Variants in KDM4B observed in about 807,000 individuals in gnomAD.
KDM4B encodes lysine demethylase 4B, also known as lysine-specific demethylase 4B.
KDM4B carries 32 observed loss-of-function variants against 125.2 expected under a neutral mutation model. The ratio of observed to expected loss-of-function variants is 0.26; its 90% confidence interval spans 0.19 to 0.34. The LOEUF is 0.34. Among genes scored for constraint, KDM4B ranks in the 10% least tolerant of loss-of-function variants. The probability of loss-of-function intolerance (pLI) is 1.00; values close to 1 mark genes in which losing one functional copy is unlikely to be tolerated. For missense variants in KDM4B, 1,190 were observed against 1,577.7 expected, an observed-to-expected ratio of 0.75 and a Z score of 4.16; for synonymous variants, 721 against 677.9, an observed-to-expected ratio of 1.06 and a Z score of -0.99.
At chr19:5,044,238 C>T (rs1383077279) in intron 5 of KDM4B, among the ~76,000 whole-genome samples, 2 of 33,208 alleles carry the variant, frequency 6.0e-5, no homozygotes, top group East Asian at 8.9e-4. Context: ...TGGTGTTTAT[C>T]GGAGTGGGGT....
At chr19:4,998,402 T>C (rs947560610) in intron 1 of KDM4B, among the ~76,000 whole-genome samples, 7 of 152,192 alleles carry the variant, frequency 4.6e-5, no homozygotes, top group Admixed American at 6.5e-5. Context: ...GCAAGAATAA[T>C]AGGAAGAATT....
In KDM4B at chr19:5,144,882, G is replaced by A. The variant is rs771015749; in HGVS notation, c.3001G>A (p.Val1001Ile). ...NLYKAKFISS[V>I]TSHIYQVEFE... ...CTACAAGGCCAAGTTCATCTCCTCC[G>A]TCACCAGCCACATCTACCAGGTAAG... The change falls in exon 21 of 23, where the codon GTC (valine) becomes ATC (isoleucine). Residue 1001 changes from valine to isoleucine, a missense_variant. By Grantham distance (29) the Val-to-Ile change is conservative. Around this residue, in one of 7 missense-constraint regions of KDM4B, gnomAD observed 298 missense variants for 439.7 expected, o/e 0.68. Transcript: ENST00000159111. 151 of 1,612,722 alleles carry A rather than the reference G, an allele frequency of 9.4e-5. No homozygotes were observed. Among genetic ancestry groups the A allele is most frequent in the Non-Finnish European group, 1.2e-4 (136 of 1,179,720 alleles).
intron 3 of KDM4B, among the ~76,000 whole-genome samples, chr19:5,038,514 G>A (rs1423773344): frequency 6.6e-6 from 1 of 152,250 alleles, no homozygotes; most frequent in Non-Finnish European, 1.5e-5. Flanking sequence ...TGAAGGCACC[G>A]GGTTCCGGCT....
intron 12 of KDM4B, 113 bp downstream of exon 12, chr19:5,131,658 G>T (rs550423711): frequency 3.2e-6 from 2 of 620,876 alleles, no homozygotes; most frequent in Admixed American, 2.9e-5. Context: ...CAGGGAGGAG[G>T]GGACAGGAGG....
intron 5 of KDM4B, chr19:5,047,196 C>T (rs2037053302): frequency 2.4e-6 from 1 of 411,808 alleles, no homozygotes; most frequent in Non-Finnish European, 4.4e-6. Context: ...CCCAGGTACT[C>T]AGGAGACTGA....
intron 14 of KDM4B, 76 bp downstream of exon 14, chr19:5,134,137 C>T: frequency 7.3e-7 from 1 of 1,366,092 alleles, no homozygotes; most frequent in South Asian, 1.3e-5. Flanking sequence ...CCGGGCACCC[C>T]ACACGCCTCC....
chr19:5,133,454 G>A (rs556448737), intron 13 of KDM4B, among the ~76,000 whole-genome samples: 150 of 152,302 alleles, frequency 9.8e-4, no homozygotes, highest in African/African-American at 3.4e-3. Flanking sequence ...CACTGCCGAC[G>A]CCCCCACTCA....
chr19:4,996,946 C>A (rs943688895), intron 1 of KDM4B, among the ~76,000 whole-genome samples: 25 of 152,158 alleles, frequency 1.6e-4, no homozygotes, highest in African/African-American at 5.6e-4. Flanking sequence ...CCAGGAGCAC[C>A]CCCTAGTCGT....
At chr19:5,105,984 C>G (rs997745555) in intron 9 of KDM4B, among the ~76,000 whole-genome samples, 1 of 152,196 alleles carries the variant, frequency 6.6e-6, no homozygotes, top group Non-Finnish European at 1.5e-5. Context: ...AAATAAGTAG[C>G]GCAGAAGTGT....
chr19:5,081,349 T>C lies in KDM4B; in HGVS notation c.781-1018T>C, dbSNP rs1207686003. On this transcript the variant is annotated intron_variant, in intron 8 of 22. Transcript: ENST00000159111. The surrounding 1 kb of genome is among the most constrained non-coding windows in gnomAD (Gnocchi z 4.2). The stretch of plus-strand genomic sequence containing the variant: ...GGATGGTCGTCTTTCAAAGGCTTTA[T>C]CAACGGGCTTAGCAGTGAGCAGGGA... 6.6e-6 allele frequency among the ~76,000 whole-genome samples: 1 copy of C among 152,174 alleles called. No individual in the cohort carries two copies.
intron 10 of KDM4B, chr19:5,119,301 C>T (rs1217842772): frequency 1.0e-6 from 1 of 999,564 alleles, no homozygotes; most frequent in African/African-American, 1.6e-5. Flanking sequence ...CTCCCTGTGT[C>T]TCTGTCCCGT....
At chr19:5,132,090 C>A in intron 13 of KDM4B, 83 bp downstream of exon 13, 1 of 1,448,018 alleles carries the variant, frequency 6.9e-7, no homozygotes, top group Non-Finnish European at 9.2e-7. Context: ...GGCTCCCCTG[C>A]GGCTTCCTTC....
intron 14 of KDM4B, among the ~76,000 whole-genome samples, chr19:5,134,628 T>C (rs1490801171): frequency 6.6e-6 from 1 of 152,206 alleles, no homozygotes; most frequent in African/African-American, 2.4e-5. Flanking sequence ...CCCCTGGGCA[T>C]GCAGCCTCCC....
chr19:5,106,248 TTGTGTG>T (rs35386151), intron 9 of KDM4B, among the ~76,000 whole-genome samples: 1 of 151,278 alleles, frequency 6.6e-6, no homozygotes, highest in Non-Finnish European at 1.5e-5. Flanking sequence ...GTTAGAGTCA[TTGTGTG>T]TGTGTGTGTG....
chr19:5,039,743 G>A lies in KDM4B; in HGVS notation c.142-93G>A, dbSNP rs2036745573. On this transcript the variant is annotated intron_variant, in intron 3 of 22. Transcript: ENST00000159111. ...TGTCCCGAGGTGCAGATCTTGGGGGGTGCTGGTCTCTGGGGAGCCGGTGGC... is the reference window on the plus strand; with the variant it reads ...TGTCCCGAGGTGCAGATCTTGGGGGATGCTGGTCTCTGGGGAGCCGGTGGC... 4 of 1,384,144 alleles carry A rather than the reference G, an allele frequency of 2.9e-6. No homozygotes were observed. In the South Asian group the frequency reaches 4.1e-5, roughly 14 times the overall value. The allele number at this position is 1,384,144 out of a possible 1,614,324, so 85.7% of individuals were successfully genotyped here. A position where few individuals can be genotyped will look rare whatever the true frequency, so the allele number is the denominator to read the frequency against.
intron 9 of KDM4B, among the ~76,000 whole-genome samples, chr19:5,090,248 G>A (rs924836048): frequency 1.2e-4 from 19 of 152,116 alleles, no homozygotes; most frequent in East Asian, 3.9e-4. Context: ...CACACACCTC[G>A]CTGCATGCCC....
intron 2 of KDM4B, among the ~76,000 whole-genome samples, chr19:5,018,945 C>T (rs1384696098): frequency 6.6e-6 from 1 of 152,256 alleles, no homozygotes; most frequent in African/African-American, 2.4e-5. Context: ...TGCCGGGCGA[C>T]CTGCTCCCCT....
chr19:5,061,215 G>A (rs1478700562), intron 6 of KDM4B, among the ~76,000 whole-genome samples: 2 of 152,186 alleles, frequency 1.3e-5, no homozygotes, highest in African/African-American at 2.4e-5. Flanking sequence ...CCGCTTTGTC[G>A]GGCATTCCTG....
chr19:5,145,933 A>T (rs1207627787), intron 21 of KDM4B, among the ~76,000 whole-genome samples: 1 of 152,224 alleles, frequency 6.6e-6, no homozygotes, highest in Non-Finnish European at 1.5e-5. Context: ...AACCCCTGCG[A>T]TGGTCCCGAG....
Sources: gnomAD v4.1 joint callset for allele counts (sites outside exome capture counted in the v4.1 genomes callset) on GRCh38, gnomAD v4.1.1 for gene constraint, gnomAD v4.1.1 regional missense constraint, Gnocchi (gnomAD v3.1) non-coding constraint, MANE v1.5 for transcripts, NCBI Gene and HGNC (gene_info 2026-07-23, HGNC 2026-07-21) for gene names.